Variants in LIPN observed in about 807,000 individuals in gnomAD.
The protein encoded by LIPN is lipase member N.
LIPN carries 32 observed loss-of-function variants against 43.7 expected under a neutral mutation model. The observed-to-expected ratio is 0.73, with a 90% CI of 0.55 to 0.98. The LOEUF is 0.98. Ranked by LOEUF, LIPN falls within the 50% of genes least tolerant of loss-of-function variation. LIPN has a pLI of 0.00. For missense variants in LIPN, 505 were observed against 483.8 expected (o/e 1.04, Z -0.41); for synonymous variants, 156 against 157.6 (o/e 0.99, Z 0.08).
At chr10:88,771,642 T>A (rs1032627605) in intron 7 of LIPN, among the ~76,000 whole-genome samples, 6 of 151,856 alleles carry the variant, frequency 4.0e-5, no homozygotes, top group Admixed American at 6.6e-5. Flanking sequence ...ATTTATCCAC[T>A]CATCTGTTGA....
chr10:88,763,672 A>G (rs1023644003), intron 3 of LIPN, among the ~76,000 whole-genome samples: 2 of 152,046 alleles, frequency 1.3e-5, no homozygotes, highest in Non-Finnish European at 2.9e-5. Flanking sequence ...TAGTCATTAA[A>G]TTATAGTGCC....
chr10:88,759,521 T>C (rs137997946), upstream of LIPN, among the ~76,000 whole-genome samples: 203 of 152,246 alleles, frequency 1.3e-3, 2 homozygotes, highest in South Asian at 2.7e-3. Flanking sequence ...CCCTTTGGCA[T>C]GTGAATTAGT....
chr10:88,758,767 G>C (rs774058069), upstream of LIPN, among the ~76,000 whole-genome samples: 1 of 151,860 alleles, frequency 6.6e-6, no homozygotes, highest in Non-Finnish European at 1.5e-5. Flanking sequence ...CAAATAACTC[G>C]AAGTTGAGGA....
At chr10:88,768,061 C>T (rs973572868) in intron 5 of LIPN, among the ~76,000 whole-genome samples, 3 of 115,124 alleles carry the variant, frequency 2.6e-5, no homozygotes, top group Non-Finnish European at 3.8e-5. Flanking sequence ...CACACACACA[C>T]ATGCCAGTGG....
At chr10:88,759,806 C>A (rs1357640686), upstream of LIPN, among the ~76,000 whole-genome samples, 1 of 152,106 alleles carries the variant, frequency 6.6e-6, no homozygotes, top group African/African-American at 2.4e-5. Context: ...GTCTTCCCAA[C>A]AATGACAGAT....
In LIPN at chr10:88,762,425, T is replaced by C. The variant is rs843782; in HGVS notation, c.226+120T>C. 0.24 allele frequency: 157,853 copies of C among 663,206 alleles called. 19,707 individuals are homozygous for C. The highest frequency in any genetic ancestry group is 0.38 in the East Asian group (14,009 of 36,790). 41.1% of individuals were successfully genotyped at this position (663,206 alleles called of 1,614,324 possible). ...AAATTGGTTTGAATTATTGGATTAG[T>C]CTTTAAATAGTTATCAGGGAGGCTC... On this transcript the variant is annotated intron_variant, in intron 3 of 9. Transcript: ENST00000404459.
chr10:88,766,030 T>C (rs1211802069), intron 4 of LIPN, among the ~76,000 whole-genome samples: 1 of 151,860 alleles, frequency 6.6e-6, no homozygotes, highest in African/African-American at 2.4e-5. Flanking sequence ...GATCATAAGG[T>C]TGAACTTCAA....
rs115524452 is a variant in LIPN, at chr10:88,765,392, G to A, written c.425+784G>A. Reference sequence around the variant, plus strand: ...TACCCACTGAAAGTTTGAGAATAGTGGAGGAATAGAATAGAATGTTATAGT... The same window carrying A: ...TACCCACTGAAAGTTTGAGAATAGTAGAGGAATAGAATAGAATGTTATAGT... On this transcript the variant is annotated intron_variant, in intron 4 of 9. Transcript: ENST00000404459. Among the ~76,000 whole-genome samples, 576 of 151,986 alleles carry A rather than the reference G, an allele frequency of 3.8e-3. 9 individuals carry two copies. Among genetic ancestry groups the A allele is most frequent in the African/African-American group, 0.013 (546 of 41,478 alleles).
intron 8 of LIPN, 135 bp from the exon 9 acceptor site, chr10:88,774,957 A>G: frequency 3.3e-6 from 2 of 612,970 alleles, no homozygotes; most frequent in African/African-American, 1.9e-5. Flanking sequence ...CATAATTGTA[A>G]AATGGGTGGT....
intron 5 of LIPN, 150 bp downstream of exon 5, chr10:88,766,528 T>C: frequency 1.5e-6 from 1 of 657,618 alleles, no homozygotes; most frequent in East Asian, 2.8e-5. Flanking sequence ...CCTAGTACTC[T>C]AAGTAGCTGT....
At chr10:88,769,199 C>T (rs1448529525) in intron 6 of LIPN, among the ~76,000 whole-genome samples, 1 of 151,864 alleles carries the variant, frequency 6.6e-6, no homozygotes, top group African/African-American at 2.4e-5. Flanking sequence ...TGCTATATGA[C>T]AACAAGGATT....
At chr10:88,767,813 A>G (rs1209568544) in intron 5 of LIPN, among the ~76,000 whole-genome samples, 4 of 151,606 alleles carry the variant, frequency 2.6e-5, no homozygotes, top group African/African-American at 7.3e-5. Context: ...CACTCTTTGT[A>G]GGACATTTAG....
Position 88,779,109 on chromosome 10 carries a change from G to A in LIPN, c.*867G>A, listed in dbSNP as rs1184177350. 6.6e-6 allele frequency among the ~76,000 whole-genome samples: 1 copy of A among 152,178 alleles called. No individual in the cohort carries two copies. Among genetic ancestry groups the A allele is most frequent in the East Asian group, 1.9e-4 (1 of 5,194 alleles). On this transcript the variant is annotated 3_prime_UTR_variant, in exon 10 of 10. Transcript: ENST00000404459. The stretch of plus-strand genomic sequence containing the variant: ...TTTCTTCCTCCATCTTAAAAGCAAT[G>A]AGAAGCCACCAAAATATTTTACCTA...
intron 7 of LIPN, among the ~76,000 whole-genome samples, chr10:88,774,204 T>C (rs1012953131): frequency 1.3e-5 from 2 of 152,008 alleles, no homozygotes; most frequent in Non-Finnish European, 1.5e-5. Context: ...ATGATGACCA[T>C]TACTGTTCCT....
At chr10:88,764,288 T>G in intron 3 of LIPN, 122 bp from the exon 4 acceptor site, 1 of 652,202 alleles carries the variant, frequency 1.5e-6, no homozygotes, top group Non-Finnish European at 2.6e-6. Context: ...TGTTTTACCA[T>G]GTGTGTATGT....
In LIPN at chr10:88,778,264, A is replaced by G. The variant is rs2133035869; in HGVS notation, c.*22A>G. The G allele has an allele frequency of 1.3e-6, 2 of 1,544,102 alleles. No homozygotes were observed. Among genetic ancestry groups the G allele is most frequent in the Non-Finnish European group, 1.8e-6 (2 of 1,132,576 alleles). On this transcript the variant is annotated 3_prime_UTR_variant, in exon 10 of 10. Transcript: ENST00000404459. The stretch of plus-strand genomic sequence containing the variant: ...CTAAATGCAATGCATTTACTTTTCA[A>G]TTAAAAGTTGCTTCCAAGCCCATAA...
chr10:88,761,653 G>A, intron 2 of LIPN, 140 bp downstream of exon 2: 2 of 602,742 alleles, frequency 3.3e-6, no homozygotes, highest in East Asian at 2.8e-5. Flanking sequence ...CAAGAGTCAA[G>A]CTAGTTAGAT....
intron 7 of LIPN, among the ~76,000 whole-genome samples, chr10:88,773,942 C>T (rs1843252744): frequency 6.6e-6 from 1 of 152,082 alleles, no homozygotes; most frequent in African/African-American, 2.4e-5. Context: ...TTTACTTTTG[C>T]AATATTTTAT....
At chr10:88,762,373 C>T (rs758154330) in intron 3 of LIPN, 68 bp downstream of exon 3, 47 of 902,810 alleles carry the variant, frequency 5.2e-5, no homozygotes, top group Non-Finnish European at 7.9e-5. Context: ...GAATTTAATG[C>T]TAGATATGCA....
Sources: allele counts gnomAD v4.1 joint callset (sites outside exome capture counted in the v4.1 genomes callset), GRCh38; gene constraint gnomAD v4.1.1; transcripts MANE v1.5; gene names NCBI Gene and HGNC (gene_info 2026-07-23, HGNC 2026-07-21).